The following ZNF236 variants were observed in gnomAD, a reference collection of about 807,000 sequenced individuals.
ZNF236 encodes zinc finger protein 236.
ZNF236 carries 50 observed loss-of-function variants against 191.2 expected under a neutral mutation model. The observed-to-expected ratio is 0.26, with a 90% CI of 0.21 to 0.33. The LOEUF is 0.33. ZNF236 is among the 10% of genes least tolerant of loss of function. ZNF236 has a pLI of 1.00. For synonymous variants in ZNF236, 907 were observed against 928.8 expected (o/e 0.98, Z 0.43); for missense variants, 1,754 against 2,374.5 (o/e 0.74, Z 5.43).
rs1286290655 is a variant in ZNF236, at chr18:76,895,083, C to G, written c.1488C>G (p.Pro496=). 2 of 1,611,910 alleles carry G rather than the reference C, an allele frequency of 1.2e-6. No homozygotes were observed. Among genetic ancestry groups the G allele is most frequent in the Admixed American group, 3.3e-5 (2 of 60,036 alleles). Residue 496 remains proline (P), a synonymous_variant, in exon 10 of 31, where the codon CCC becomes CCG. Transcript: ENST00000320610. The part of the protein sequence containing the change: ...CPYCAKEFRK[P]SDLVRHIRIH... ...ACTGCGCCAAGGAGTTCCGCAAGCC[C>G]AGCGACCTGGTCCGCCACATCCGCA...
At chr18:76,832,664 G>A (rs1250440008) in intron 1 of ZNF236, among the ~76,000 whole-genome samples, 4 of 151,594 alleles carry the variant, frequency 2.6e-5, no homozygotes, top group Non-Finnish European at 4.4e-5. Context: ...GGAAATATAA[G>A]TCCTCCATTT....
chr18:76,968,070 A>G, intron 30 of ZNF236, 145 bp from the exon 31 acceptor site: 1 of 1,082,984 alleles, frequency 9.2e-7, no homozygotes. Flanking sequence ...CTGCAGCTCA[A>G]ATTACTCTTT....
In ZNF236 at chr18:76,904,430, A is replaced by G; in HGVS notation, c.1945A>G (p.Asn649Asp). Residue 649 changes from asparagine (N) to aspartate (D), a missense_variant, in exon 12 of 31, where the codon AAT (asparagine) becomes GAT (aspartate). By Grantham distance (23) the Asn-to-Asp change is conservative (BLOSUM62 1). Coordinates refer to ENST00000320610, the MANE Select transcript of ZNF236 (RefSeq NM_001306089.2). Reference sequence around the variant, plus strand: ...CCAGTTTTTCCAAAGCTATTTCAATAATAATTTTGTCAATGAAGCAGATAG... The same window carrying G: ...CCAGTTTTTCCAAAGCTATTTCAATGATAATTTTGTCAATGAAGCAGATAG... Reference protein sequence around the residue: ...KNQFFQSYFNNNFVNEADRPY... With the variant: ...KNQFFQSYFNDNFVNEADRPY... 1 of 1,610,422 alleles carries G rather than the reference A, an allele frequency of 6.2e-7. No homozygotes were observed. Among genetic ancestry groups the G allele is most frequent in the Admixed American group, 1.7e-5 (1 of 59,350 alleles).
intron 27 of ZNF236, among the ~76,000 whole-genome samples, chr18:76,950,089 T>C (rs1354189816): frequency 6.6e-6 from 1 of 152,206 alleles, no homozygotes; most frequent in Non-Finnish European, 1.5e-5. Context: ...TTGATGTTGA[T>C]GGCTGCTGAC....
intron 1 of ZNF236, among the ~76,000 whole-genome samples, chr18:76,844,361 C>T (rs187920827): frequency 1.3e-5 from 2 of 152,064 alleles, no homozygotes; most frequent in Admixed American, 1.3e-4. Context: ...AGCATCTGGT[C>T]TCAGGATGAG....
chr18:76,890,179 T>C (rs1011360774), intron 9 of ZNF236, among the ~76,000 whole-genome samples: 23 of 152,214 alleles, frequency 1.5e-4, no homozygotes, highest in Admixed American at 2.6e-4. Context: ...TTCATCCATA[T>C]TCCCCCAAAT....
chr18:76,869,650 A>C (rs978672195), intron 4 of ZNF236, among the ~76,000 whole-genome samples: 3 of 152,198 alleles, frequency 2.0e-5, no homozygotes, highest in Non-Finnish European at 4.4e-5. Flanking sequence ...TAATTTCTCC[A>C]ACAAACTCTA....
chr18:76,927,120 G>A lies in ZNF236; in HGVS notation c.4111G>A (p.Val1371Ile), dbSNP rs768631080. 3.7e-6 allele frequency: 6 copies of A among 1,613,926 alleles called. No individual in the cohort carries two copies. Among genetic ancestry groups the A allele is most frequent in the African/African-American group, 1.3e-5 (1 of 74,874 alleles). The change falls in exon 23 of 31, where the codon GTT (valine) becomes ATT (isoleucine). Residue 1371 changes from valine to isoleucine, a missense_variant. By Grantham distance (29) the Val-to-Ile change is conservative. This residue lies in a region of ZNF236 where 606 missense variants were observed against 761.5 expected (regional missense o/e 0.80). Transcript: ENST00000320610. This position sits in a 1 kb window ranked among gnomAD's most constrained non-coding sequence, Gnocchi z 5.4. ...CCAGTTACAGTTGGCTGCTAACTTGGTTGGACCAAATGTACAGATTTCTGG... is the reference window on the plus strand; with the variant it reads ...CCAGTTACAGTTGGCTGCTAACTTGATTGGACCAAATGTACAGATTTCTGG... ...GIQLQLAANL[V>I]GPNVQISGID...
chr18:76,898,339 C>G lies in ZNF236; in HGVS notation c.1691-680C>G, dbSNP rs147734365. 2.8e-3 allele frequency among the ~76,000 whole-genome samples: 425 copies of G among 152,336 alleles called. 6 individuals carry two copies. Among genetic ancestry groups the G allele is most frequent in the African/African-American group, 9.9e-3 (412 of 41,570 alleles). ...TATCACCCTGCAAAGAAACCCTGTA[C>G]TCATTGGCAATATCCCCCAAATTCC... On this transcript the variant is annotated intron_variant, in intron 10 of 30. Coordinates refer to ENST00000320610, the MANE Select transcript of ZNF236 (RefSeq NM_001306089.2).
rs1456661105 is a variant in ZNF236, at chr18:76,871,728, G to C, written c.570G>C (p.Arg190=). Reference sequence around the variant, plus strand: ...TATCAAGTACAAGGTCTTATAACCGGAATATCGACAGAAGTGGATTCACGT... The same window carrying C: ...TATCAAGTACAAGGTCTTATAACCGCAATATCGACAGAAGTGGATTCACGT... ...IRVSSTRSYN[R]NIDRSGFTYS... Residue 190 remains arginine, a synonymous_variant, in exon 5 of 31, where the codon CGG becomes CGC. Transcript: ENST00000320610. 1.9e-6 allele frequency: 3 copies of C among 1,614,076 alleles called. No individual in the cohort carries two copies. Among genetic ancestry groups the C allele is most frequent in the African/African-American group, 1.3e-5 (1 of 74,922 alleles).
At chr18:76,929,040 A>C (rs1967783316) in intron 25 of ZNF236, among the ~76,000 whole-genome samples, 1 of 147,840 alleles carries the variant, frequency 6.8e-6, no homozygotes, top group African/African-American at 2.5e-5. Context: ...CCTGAAACAC[A>C]CCTGTGGAGA....
chr18:76,885,176 T>C (rs74822615), intron 9 of ZNF236: 2,324 of 152,660 alleles, frequency 0.015, 26 homozygotes, highest in Middle Eastern at 0.02. Context: ...AAATCATTCC[T>C]GGGGCGGCGT....
At chr18:76,944,184 G>A (rs569149959) in intron 26 of ZNF236, among the ~76,000 whole-genome samples, 8 of 152,284 alleles carry the variant, frequency 5.3e-5, no homozygotes, top group African/African-American at 1.9e-4. Flanking sequence ...TGACTCTGAC[G>A]CAGCTGCCCC....
intron 5 of ZNF236, among the ~76,000 whole-genome samples, chr18:76,874,315 C>T (rs910637296): frequency 7.9e-5 from 12 of 152,172 alleles, no homozygotes; most frequent in African/African-American, 2.7e-4. Context: ...TTATTATGAA[C>T]TCAGCTGCTT....
chr18:76,848,264 G>A (rs986523742), intron 1 of ZNF236, among the ~76,000 whole-genome samples: 1 of 152,140 alleles, frequency 6.6e-6, no homozygotes, highest in Non-Finnish European at 1.5e-5. Context: ...GCTTTCTTGA[G>A]CTACTTGGTT....
chr18:76,966,181 A>G (rs1175222812), intron 30 of ZNF236, among the ~76,000 whole-genome samples: 1 of 152,120 alleles, frequency 6.6e-6, no homozygotes, highest in East Asian at 1.9e-4. Flanking sequence ...AAAAATTCAC[A>G]ATGTGAGCCT....
intron 3 of ZNF236, among the ~76,000 whole-genome samples, chr18:76,864,470 G>T (rs1187300571): frequency 1.3e-5 from 2 of 152,004 alleles, no homozygotes. Context: ...AAAGTTCTGG[G>T]ATTACAGGCG....
At chr18:76,848,105 G>A (rs1461762200) in intron 1 of ZNF236, among the ~76,000 whole-genome samples, 1 of 152,162 alleles carries the variant, frequency 6.6e-6, no homozygotes, top group African/African-American at 2.4e-5. Flanking sequence ...GGAATCTCCA[G>A]GTCCTTGCTA....
intron 9 of ZNF236, among the ~76,000 whole-genome samples, chr18:76,883,145 C>T (rs1976945950): frequency 6.6e-6 from 1 of 152,180 alleles, no homozygotes; most frequent in Admixed American, 6.5e-5. Context: ...TCTCCCTGCA[C>T]CAAGTACTAG....
Sources: gnomAD v4.1 joint callset for allele counts (sites outside exome capture counted in the v4.1 genomes callset) on GRCh38, gnomAD v4.1.1 for gene constraint, gnomAD v4.1.1 regional missense constraint, Gnocchi (gnomAD v3.1) non-coding constraint, MANE v1.5 for transcripts, NCBI Gene and HGNC (gene_info 2026-07-23, HGNC 2026-07-21) for gene names.